Variants in ELN observed in about 807,000 individuals in gnomAD.
ELN encodes the protein tropoelastin.
In ELN, 65 loss-of-function variants were observed where a neutral mutation model predicts 105.8. That is an observed-to-expected ratio of 0.61 (90% CI 0.50 to 0.75). ELN has a LOEUF of 0.75. Among genes scored for constraint, ELN ranks in the 30% least tolerant of loss-of-function variants. ELN has a pLI of 0.00. For synonymous variants in ELN, 368 were observed against 389.2 expected, an observed-to-expected ratio of 0.95 and a Z score of 0.64; for missense variants, 882 against 969.4, an observed-to-expected ratio of 0.91 and a Z score of 1.20.
At chr7:74,028,592 G>T (rs1245357681) in intron 1 of ELN, among the ~76,000 whole-genome samples, 1 of 152,168 alleles carries the variant, frequency 6.6e-6, no homozygotes, top group African/African-American at 2.4e-5. Flanking sequence ...CCTGGGGGAG[G>T]GCCCAGCGGG....
intron 18 of ELN, 85 bp from the exon 19 acceptor site, chr7:74,054,631 C>A: frequency 7.1e-7 from 1 of 1,408,734 alleles, no homozygotes; most frequent in Non-Finnish European, 1.0e-6. Flanking sequence ...TGGCCCAACA[C>A]ACAGATGGGT....
intron 29 of ELN, among the ~76,000 whole-genome samples, chr7:74,064,751 G>A (rs1384819116): frequency 2.0e-5 from 3 of 152,164 alleles, no homozygotes; most frequent in Non-Finnish European, 1.5e-5. Flanking sequence ...GGAGAATGAT[G>A]GTTATGCCAG....
chr7:74,044,930 A>G (rs1792112361), intron 9 of ELN, among the ~76,000 whole-genome samples: 1 of 152,098 alleles, frequency 6.6e-6, no homozygotes, highest in African/African-American at 2.4e-5. Flanking sequence ...TTTTCTGCGG[A>G]GGGTGGTCGA....
At chr7:74,054,610 A>C (rs1794858036) in intron 18 of ELN, 106 bp from the exon 19 acceptor site, 1 of 1,168,582 alleles carries the variant, frequency 8.6e-7, no homozygotes, top group Non-Finnish European at 1.3e-6. Flanking sequence ...CTATGTTGGC[A>C]TGAAAGGAGA....
At position 74,063,566 on chromosome 7, in the gene ELN, G is replaced by A. The variant is rs1797201629; in HGVS notation, c.1919-55G>A. The A allele has an allele frequency of 1.5e-5, 24 of 1,613,822 alleles. No homozygotes were observed. The South Asian group carries it at 2.5e-4, about 17-fold the overall frequency. On this transcript the variant is annotated intron_variant, in intron 28 of 32. Transcript: ENST00000252034. This position sits in a 1 kb window ranked among gnomAD's most constrained non-coding sequence, Gnocchi z 4.1. ...GACACCTCCGCCCTCCACAGGCCGA[G>A]GCTTCAGTCCCACCTTTCTGACCAG...
chr7:74,036,550 C>T lies in ELN; in HGVS notation c.134-5C>T, dbSNP rs202142516. 8.1e-6 allele frequency: 13 copies of T among 1,613,962 alleles called. No homozygotes were observed. Among genetic ancestry groups the T allele is most frequent in the African/African-American group, 6.7e-5 (5 of 74,912 alleles). ...ATCTCTCTTTCTCTTTCTCTCCCCC[C>T]ACAGGGGCTGGTCTCGGAGCCCTTG... is the stretch of plus-strand genomic sequence containing the variant. On this transcript the variant is annotated splice_polypyrimidine_tract_variant and splice_region_variant and intron_variant, in intron 2 of 32. Transcript: ENST00000252034.
chr7:74,065,814 G>T, intron 30 of ELN, 82 bp downstream of exon 30: 1 of 1,611,078 alleles, frequency 6.2e-7, no homozygotes, highest in South Asian at 1.1e-5. Flanking sequence ...GCCCAGCTCA[G>T]GCCTCCCTCT....
intron 1 of ELN, among the ~76,000 whole-genome samples, chr7:74,033,092 CTTGCAACA>C (rs1789062483): frequency 1.3e-5 from 2 of 152,234 alleles, no homozygotes; most frequent in South Asian, 4.1e-4. Context: ...ACCTTGCAAC[CTTGCAACA>C]ACCAAGTGAT....
At chr7:74,050,639 A>ATTCT (rs1164683369) in intron 15 of ELN, among the ~76,000 whole-genome samples, 7 of 149,936 alleles carry the variant, frequency 4.7e-5, no homozygotes, top group African/African-American at 9.9e-5. Flanking sequence ...TCATTCATTC[A>ATTCT]TTCTTTCCTC....
chr7:74,041,375 G>A lies in ELN; in HGVS notation c.232+124G>A, dbSNP rs536817060. 1.2e-4 allele frequency: 148 copies of A among 1,230,266 alleles called. 2 individuals carry two copies. In the South Asian group the frequency reaches 1.7e-3, roughly 14 times the overall value. The allele number at this position is 1,230,266 out of a possible 1,614,324, so 76.2% of individuals were successfully genotyped here. ...GCCAGGTTCCGTCCTGGGCACTGAC[G>A]GGGACTGATGCTGATACCAACTGCC... On this transcript the variant is annotated intron_variant, in intron 5 of 32. Coordinates refer to ENST00000252034, the MANE Select transcript of ELN (RefSeq NM_000501.4).
chr7:74,043,246 T>C lies in ELN; in HGVS notation c.427+78T>C, dbSNP rs1442870484. 7.8e-6 allele frequency: 12 copies of C among 1,536,516 alleles called. No homozygotes were observed. In the Admixed American group the frequency reaches 1.8e-4, roughly 23 times the overall value. On this transcript the variant is annotated intron_variant, in intron 8 of 32. Transcript: ENST00000252034. The stretch of plus-strand genomic sequence containing the variant: ...GCAGGGAGGAACAGAGCCCTCTCCA[T>C]GCCACTGCACTTGGGGAGGAAGGGC...
chr7:74,048,305 T>C (rs1554673811), intron 14 of ELN, 104 bp downstream of exon 14: 17 of 1,555,354 alleles, frequency 1.1e-5, no homozygotes, highest in Admixed American at 1.7e-5. Context: ...CAGCCCACCC[T>C]GCATCCAGAC....
chr7:74,053,391 A>G, intron 18 of ELN, 82 bp downstream of exon 18: 2 of 1,556,498 alleles, frequency 1.3e-6, no homozygotes, highest in Non-Finnish European at 1.7e-6. Flanking sequence ...TATTGCCAAA[A>G]TTTTTGCATT....
intron 4 of ELN, among the ~76,000 whole-genome samples, chr7:74,039,224 C>CT (rs1175981082): frequency 6.6e-6 from 1 of 152,348 alleles, no homozygotes; most frequent in South Asian, 2.1e-4. Flanking sequence ...AAAAGTGAAG[C>CT]TTTTGTTAAT....
chr7:74,041,315 C>G, intron 5 of ELN, 64 bp downstream of exon 5: 1 of 1,600,956 alleles, frequency 6.2e-7, no homozygotes, highest in Non-Finnish European at 8.6e-7. Flanking sequence ...CAACCCAGGG[C>G]TGGTATGCAG....
chr7:74,035,328 G>A, intron 1 of ELN, 36 bp from the exon 2 acceptor site: 1 of 1,613,212 alleles, frequency 6.2e-7, no homozygotes, highest in Non-Finnish European at 8.5e-7. Flanking sequence ...AATAGTTCTG[G>A]CTCCTGGAGG....
chr7:74,048,643 G>T (rs1793140129), intron 15 of ELN, 87 bp downstream of exon 15: 2 of 1,537,620 alleles, frequency 1.3e-6, no homozygotes, highest in South Asian at 2.3e-5. Flanking sequence ...CCTCCAAAGT[G>T]GCCCCTACAT....
intron 18 of ELN, 23 bp downstream of exon 18, chr7:74,053,332 G>A: frequency 1.3e-6 from 2 of 1,538,936 alleles, no homozygotes; most frequent in Non-Finnish European, 1.8e-6. Context: ...GTGTGTGTGT[G>A]TGTGTGTGTG....
At chr7:74,067,513 G>A (rs1350087978) in intron 32 of ELN, among the ~76,000 whole-genome samples, 7 of 151,562 alleles carry the variant, frequency 4.6e-5, no homozygotes, top group Non-Finnish European at 1.0e-4. Flanking sequence ...TGATCCGCCC[G>A]CCTCGGCCTC....
Sources: allele counts gnomAD v4.1 joint callset (sites outside exome capture counted in the v4.1 genomes callset), GRCh38; gene constraint gnomAD v4.1.1; non-coding constraint Gnocchi (gnomAD v3.1); transcripts MANE v1.5; gene names NCBI Gene and HGNC (gene_info 2026-07-23, HGNC 2026-07-21).